LARGE1: variants seen among roughly 807,000 people sequenced by gnomAD.
LARGE1 encodes LARGE xylosyl- and glucuronyltransferase 1.
Under a neutral mutation model 87.6 loss-of-function variants are expected in LARGE1, and 43 were observed. The ratio of observed to expected loss-of-function variants is 0.49; its 90% CI spans 0.38 to 0.63. The LOEUF (loss-of-function observed/expected upper bound fraction) is 0.63. Ranked by LOEUF, LARGE1 falls within the 30% of genes least tolerant of loss-of-function variation. The pLI, the probability that LARGE1 is intolerant of heterozygous loss-of-function variation, is 0.00. For missense variants in LARGE1, 802 were observed against 1,000.2 expected, an observed-to-expected ratio of 0.80 and a Z score of 2.67; for synonymous variants, 434 against 394.6, an observed-to-expected ratio of 1.10 and a Z score of -1.18.
intron 11 of LARGE1, among the ~76,000 whole-genome samples, chr22:33,187,342 T>G (rs1390085571): frequency 6.6e-6 from 1 of 152,182 alleles, no homozygotes; most frequent in African/African-American, 2.4e-5. Context: ...ATTTGTGACA[T>G]GTACAAACTT....
intron 2 of LARGE1, chr22:33,743,881 C>T (rs1011568442): frequency 6.6e-6 from 1 of 152,146 alleles, no homozygotes; most frequent in African/African-American, 2.4e-5. Context: ...TAACGTTAGC[C>T]CAGCTTGACT....
At chr22:33,100,881 C>G in the LARGE1 span, among the ~76,000 whole-genome samples, 4 of 151,236 alleles carry the variant, frequency 2.6e-5, no homozygotes, top group African/African-American at 9.7e-5. Flanking sequence ...CTCTTGTTGC[C>G]CAGGCTGGAG....
At chr22:33,900,384 G>A (rs1352618761) in intron 1 of LARGE1, among the ~76,000 whole-genome samples, 9 of 152,140 alleles carry the variant, frequency 5.9e-5, no homozygotes, top group Non-Finnish European at 1.3e-4. Flanking sequence ...AATTCTCACA[G>A]ACCACATCAC....
chr22:33,713,792 A>G (rs2082816228), intron 2 of LARGE1, among the ~76,000 whole-genome samples: 1 of 151,956 alleles, frequency 6.6e-6, no homozygotes, highest in African/African-American at 2.4e-5. Flanking sequence ...CACCGTGCCT[A>G]CAAAAAATTT....
chr22:33,682,127 C>T (rs1054750086), intron 2 of LARGE1, among the ~76,000 whole-genome samples: 1 of 152,214 alleles, frequency 6.6e-6, no homozygotes, highest in Non-Finnish European at 1.5e-5. Context: ...TCACCTGACA[C>T]GTTAACGTGC....
intron 5 of LARGE1, among the ~76,000 whole-genome samples, chr22:33,572,695 C>A (rs1311862561): frequency 6.6e-6 from 1 of 151,778 alleles, no homozygotes; most frequent in Non-Finnish European, 1.5e-5. Context: ...CATGGTACAA[C>A]CCCATCTCTA....
chr22:33,882,035 G>GTTTTTTTTTTTTTTTTTTTTTTTTTTTTT (rs56757133), intron 1 of LARGE1, among the ~76,000 whole-genome samples: 1 of 144,228 alleles, frequency 6.9e-6, no homozygotes, highest in African/African-American at 2.6e-5. Flanking sequence ...TTTTGTTTTT[G>GTTTTTTTTTTTTTTTTTTTTTTTTTTTTT]TTTTTTTTTG....
intron 6 of LARGE1, among the ~76,000 whole-genome samples, chr22:33,480,061 G>C (rs540966102): frequency 6.6e-6 from 1 of 152,230 alleles, no homozygotes; most frequent in South Asian, 2.1e-4. Flanking sequence ...CCTCTTATCG[G>C]TCAAGCAATG....
At chr22:33,107,066 A>C in the LARGE1 span, among the ~76,000 whole-genome samples, 2 of 152,346 alleles carry the variant, frequency 1.3e-5, no homozygotes, top group East Asian at 3.9e-4. Flanking sequence ...ACTTAACTGA[A>C]AATACTTCTA....
At chr22:33,733,990 T>C (rs1435562110) in intron 2 of LARGE1, among the ~76,000 whole-genome samples, 3 of 152,160 alleles carry the variant, frequency 2.0e-5, no homozygotes, top group Admixed American at 1.3e-4. Flanking sequence ...GAGATCAAAC[T>C]GTCAACAGGA....
intron 12 of LARGE1, among the ~76,000 whole-genome samples, chr22:33,292,751 G>A (rs554249646): frequency 6.6e-6 from 1 of 152,114 alleles, no homozygotes; most frequent in Admixed American, 6.6e-5. Context: ...CAGTTTGAAG[G>A]GAGGCTGAAC....
intron 7 of LARGE1, among the ~76,000 whole-genome samples, chr22:33,412,227 T>C (rs1021673654): frequency 1.3e-5 from 2 of 152,058 alleles, no homozygotes; most frequent in Admixed American, 6.6e-5. Flanking sequence ...GAGGTTGCAG[T>C]GAGCCAAGAT....
At chr22:33,393,453 T>G (rs1360980750) in intron 7 of LARGE1, among the ~76,000 whole-genome samples, 1 of 152,224 alleles carries the variant, frequency 6.6e-6, no homozygotes, top group African/African-American at 2.4e-5. Context: ...ATTATGTGCA[T>G]GTGTGCAAAG....
intron 4 of LARGE1, among the ~76,000 whole-genome samples, chr22:33,619,499 G>A (rs2079677489): frequency 6.7e-6 from 1 of 149,126 alleles, no homozygotes; most frequent in Non-Finnish European, 1.5e-5. Context: ...AGTTTGCAGT[G>A]AGCCGAGACT....
chr22:33,690,511 G>T (rs978324817), intron 2 of LARGE1, among the ~76,000 whole-genome samples: 2 of 152,104 alleles, frequency 1.3e-5, no homozygotes, highest in Non-Finnish European at 1.5e-5. Flanking sequence ...AAGATCAACA[G>T]GAGGTGGAAT....
intron 1 of LARGE1, among the ~76,000 whole-genome samples, chr22:33,822,530 C>A (rs1447905373): frequency 6.6e-6 from 1 of 152,072 alleles, no homozygotes; most frequent in Non-Finnish European, 1.5e-5. Context: ...GAAGCCCCAT[C>A]TCTACTAAAA....
intron 2 of LARGE1, among the ~76,000 whole-genome samples, chr22:33,729,846 G>C (rs2083396125): frequency 6.6e-6 from 1 of 152,212 alleles, no homozygotes; most frequent in Non-Finnish European, 1.5e-5. Context: ...CACATGTAGA[G>C]GCTCTCATGC....
intron 6 of LARGE1, among the ~76,000 whole-genome samples, chr22:33,437,007 G>A (rs1039941104): frequency 1.3e-5 from 2 of 152,002 alleles, no homozygotes; most frequent in Admixed American, 1.3e-4. Context: ...TGGCAGGGGC[G>A]GGGGTGGTGC....
At chr22:33,753,806 T>TA (rs1462064929) in intron 2 of LARGE1, among the ~76,000 whole-genome samples, 1 of 152,170 alleles carries the variant, frequency 6.6e-6, no homozygotes, top group African/African-American at 2.4e-5. Context: ...ATACCTGTAA[T>TA]CCCAGTACTT....
Sources: allele counts gnomAD v4.1 joint callset (sites outside exome capture counted in the v4.1 genomes callset), GRCh38; gene constraint gnomAD v4.1.1; transcripts MANE v1.5; gene names NCBI Gene and HGNC (gene_info 2026-07-23, HGNC 2026-07-21).